The following PSAP variants were observed in gnomAD, a reference collection of about 807,000 sequenced individuals.
PSAP encodes the protein precursor of saposins.
Under a neutral mutation model 66.0 loss-of-function variants are expected in PSAP, and 25 were observed. The observed-to-expected ratio is 0.38, with a 90% confidence interval of 0.28 to 0.53. PSAP has a LOEUF of 0.53. PSAP is among the 20% of genes least tolerant of loss of function. PSAP has a pLI of 0.83. For synonymous variants in PSAP, 273 were observed against 258.9 expected (o/e 1.05, Z -0.52); for missense variants, 649 against 668.8 (o/e 0.97, Z 0.33).
intron 1 of PSAP, among the ~76,000 whole-genome samples, chr10:71,849,873 A>G (rs1200042774): frequency 6.6e-6 from 1 of 152,100 alleles, no homozygotes; most frequent in East Asian, 1.9e-4. Flanking sequence ...AGAAAACCCT[A>G]TATCGCCTTC....
At chr10:71,840,801 C>G (rs1439996823) in intron 1 of PSAP, among the ~76,000 whole-genome samples, 1 of 152,196 alleles carries the variant, frequency 6.6e-6, no homozygotes, top group Non-Finnish European at 1.5e-5. Flanking sequence ...ATTATCTACA[C>G]GGAGAAGGCA....
intron 1 of PSAP, among the ~76,000 whole-genome samples, chr10:71,846,008 C>G (rs1317323549): frequency 6.6e-6 from 1 of 152,206 alleles, no homozygotes; most frequent in Non-Finnish European, 1.5e-5. Flanking sequence ...AAGGAAATCA[C>G]AAAATCAAGG....
rs757790178 is a variant in PSAP, at chr10:71,820,348, TAGA to T, written c.910-16_910-14del. ...GGACCTCGTGCTTCTGTGGAAAGAG[TAGA>T]AGGAGAGTACTTTCAATGCTGGGAC... On this transcript the variant is annotated splice_polypyrimidine_tract_variant and intron_variant, in intron 8 of 13. Transcript: ENST00000394936. The T allele has an allele frequency of 3.2e-5, 51 of 1,605,048 alleles. No homozygotes were observed. The South Asian group carries it at 4.0e-4, about 12-fold the overall frequency.
At chr10:71,850,171 CTA>C (rs759844353) in intron 1 of PSAP, among the ~76,000 whole-genome samples, 1 of 152,176 alleles carries the variant, frequency 6.6e-6, no homozygotes, top group Non-Finnish European at 1.5e-5. Flanking sequence ...CCCCTTTCCC[CTA>C]TGTTTTCCTT....
chr10:71,825,687 G>T (rs1310922434), intron 7 of PSAP, 150 bp downstream of exon 7: 2 of 737,624 alleles, frequency 2.7e-6, no homozygotes, highest in African/African-American at 3.5e-5. Context: ...TGCAAGTGGA[G>T]AGTCTCCTAG....
At chr10:71,829,391 G>A (rs942377253) in intron 4 of PSAP, among the ~76,000 whole-genome samples, 8 of 152,146 alleles carry the variant, frequency 5.3e-5, no homozygotes, top group Non-Finnish European at 1.2e-4. Flanking sequence ...GACCTAGTGG[G>A]AGGTAACTGA....
intron 4 of PSAP, among the ~76,000 whole-genome samples, chr10:71,830,279 C>T (rs1021816326): frequency 6.6e-6 from 1 of 152,190 alleles, no homozygotes; most frequent in Non-Finnish European, 1.5e-5. Context: ...TCTTCCTCTC[C>T]TATACATCCC....
rs745861428 is a variant in PSAP, at chr10:71,818,630, G to A, written c.1526C>T (p.Ala509Val). The A allele has an allele frequency of 6.2e-7, 1 of 1,613,636 alleles. No individual in the cohort carries two copies. The highest frequency in any genetic ancestry group is 8.5e-7 in the Non-Finnish European group (1 of 1,179,918). ...TGAGCTACTCACATTGCACTGGGCT[G>A]CTGTCTCTGTGTTCTGGCACCAGTA... The part of the protein sequence containing the change: ...PSYWCQNTET[A>V]AQCNAVEHCK... The change falls in exon 13 of 14, where the codon GCA becomes GTA. Residue 509 changes from alanine to valine, a missense_variant. Ala to Val is a moderately conservative substitution (Grantham distance 64, BLOSUM62 0). Transcript: ENST00000394936.
At chr10:71,847,750 TC>T (rs776623245) in intron 1 of PSAP, among the ~76,000 whole-genome samples, 88 of 152,154 alleles carry the variant, frequency 5.8e-4, no homozygotes, top group Non-Finnish European at 1.1e-3. Flanking sequence ...GGAATTATAC[TC>T]TTATTTTCAC....
In PSAP at chr10:71,817,244, T is replaced by C; in HGVS notation, c.*197A>G. 2 of 702,568 alleles carry C rather than the reference T, an allele frequency of 2.8e-6. No homozygotes were observed. The highest frequency in any genetic ancestry group is 5.0e-5 in the East Asian group (2 of 39,912). 43.5% of individuals were successfully genotyped at this position (702,568 alleles called of 1,614,324 possible). A position where few individuals can be genotyped will look rare whatever the true frequency, so the allele number is the denominator to read the frequency against. ...CATCTAGCAGAGAGAAAAGGGGCACTGAAGCAGCTATGTCTGCCAGGGGCT... is the reference window on the plus strand; with the variant it reads ...CATCTAGCAGAGAGAAAAGGGGCACCGAAGCAGCTATGTCTGCCAGGGGCT... On this transcript the variant is annotated 3_prime_UTR_variant, in exon 14 of 14. Transcript: ENST00000394936.
intron 5 of PSAP, 58 bp downstream of exon 5, chr10:71,828,819 G>C: frequency 2.5e-6 from 4 of 1,590,914 alleles, no homozygotes; most frequent in Non-Finnish European, 3.4e-6. Flanking sequence ...TGTCCCTTTG[G>C]TCTCTCATCT....
chr10:71,821,425 T>TTTAA (rs373502039), intron 8 of PSAP, among the ~76,000 whole-genome samples: 52 of 152,294 alleles, frequency 3.4e-4, no homozygotes, highest in African/African-American at 1.3e-3. Context: ...AGTGAGGTGT[T>TTTAA]TTAGTTAAAT....
intron 3 of PSAP, 59 bp from the exon 4 acceptor site, chr10:71,831,310 G>A: frequency 1.9e-6 from 3 of 1,601,438 alleles, no homozygotes; most frequent in Non-Finnish European, 1.7e-6. Context: ...AAATAAATGG[G>A]CTGAAGGCAA....
At chr10:71,833,643 GC>G (rs1316703348) in intron 2 of PSAP, among the ~76,000 whole-genome samples, 1 of 152,234 alleles carries the variant, frequency 6.6e-6, no homozygotes, top group African/African-American at 2.4e-5. Flanking sequence ...GGCCGGCACA[GC>G]CCCAAGTGAG....
At chr10:71,847,384 T>C (rs1364774034) in intron 1 of PSAP, among the ~76,000 whole-genome samples, 1 of 152,166 alleles carries the variant, frequency 6.6e-6, no homozygotes, top group African/African-American at 2.4e-5. Context: ...TAAGCCCATA[T>C]ATACCAGAGG....
At chr10:71,833,128 G>GTAT (rs1226557733) in intron 2 of PSAP, among the ~76,000 whole-genome samples, 1 of 151,860 alleles carries the variant, frequency 6.6e-6, no homozygotes, top group Admixed American at 6.6e-5. Context: ...ACAGGAAGTA[G>GTAT]TATTAAAAAC....
rs779322625 is a variant in PSAP, at chr10:71,819,083, G to A, written c.1379C>T (p.Pro460Leu). The change falls in exon 12 of 14, where the codon CCC becomes CTC. Residue 460 changes from proline (P) to leucine (L), a missense_variant. Pro to Leu is a moderately conservative substitution (Grantham distance 98). Coordinates refer to ENST00000394936, the MANE Select transcript of PSAP (RefSeq NM_002778.4). ...QCDQFVAEYE[P>L]VLIEILVEVM... ...CTCCACCAGGATCTCGATCAGCACG[G>A]GCTCGTACTCTGCCACAAACTGATC... is the stretch of plus-strand genomic sequence containing the variant. The A allele has an allele frequency of 1.2e-6, 2 of 1,614,160 alleles. No individual in the cohort carries two copies. Among genetic ancestry groups the A allele is most frequent in the South Asian group, 1.1e-5 (1 of 91,076 alleles).
Position 71,817,145 on chromosome 10 carries a change from G to GCCAGCAGAGCTCTCTCCTCCTC in PSAP, c.*274_*295dup. ...CTCCAGTCAAGAAACTGTGGCTCAT[G>GCCAGCAGAGCTCTCTCCTCCTC]CCAGCAGAGCTCTCTCCTCCTCCAG... On this transcript the variant is annotated 3_prime_UTR_variant, in exon 14 of 14. Coordinates refer to ENST00000394936, the MANE Select transcript of PSAP (RefSeq NM_002778.4). 2.0e-6 allele frequency: 1 copy of GCCAGCAGAGCTCTCTCCTCCTC among 502,076 alleles called. No homozygotes were observed. Among genetic ancestry groups the GCCAGCAGAGCTCTCTCCTCCTC allele is most frequent in the Non-Finnish European group, 3.6e-6 (1 of 276,004 alleles). The allele number at this position is 502,076 out of a possible 1,614,324, so 31.1% of individuals were successfully genotyped here. A position where few individuals can be genotyped will look rare whatever the true frequency, so the allele number is the denominator to read the frequency against.
chr10:71,836,132 T>C (rs1477975305), intron 1 of PSAP, among the ~76,000 whole-genome samples: 2 of 152,162 alleles, frequency 1.3e-5, no homozygotes, highest in African/African-American at 4.8e-5. Flanking sequence ...GATTATAGCC[T>C]TCCCTGTCCC....
Sources: gnomAD v4.1 joint callset for allele counts (sites outside exome capture counted in the v4.1 genomes callset) on GRCh38, gnomAD v4.1.1 for gene constraint, MANE v1.5 for transcripts, NCBI Gene and HGNC (gene_info 2026-07-23, HGNC 2026-07-21) for gene names.